The following CHD2 variants were observed in gnomAD, a reference collection of about 807,000 sequenced individuals.
The protein encoded by CHD2 is chromodomain helicase DNA binding protein 2.
CHD2 carries 28 observed loss-of-function variants against 243.9 expected under a neutral mutation model. The ratio of observed to expected loss-of-function variants is 0.11; its 90% confidence interval spans 0.09 to 0.16. The LOEUF is 0.16. Ranked by LOEUF, CHD2 falls within the 10% of genes least tolerant of loss-of-function variation. CHD2 has a pLI of 1.00. For missense variants in CHD2, 1,386 were observed against 2,209.8 expected (o/e 0.63, Z 7.47); for synonymous variants, 775 against 779.0 (o/e 0.99, Z 0.09).
intron 20 of CHD2, among the ~76,000 whole-genome samples, chr15:92,976,849 G>A (rs2053916135): frequency 6.6e-6 from 1 of 151,154 alleles, no homozygotes; most frequent in South Asian, 2.1e-4. Flanking sequence ...CAGTGAGCCA[G>A]GATTGCCCCA....
Position 93,009,315 on chromosome 15 carries a change from C to T in CHD2, c.4584C>T (p.Leu1528=), listed in dbSNP as rs543526502. ...ACTCAGATCAGGAGCACATCAAACT[C>T]TGGAGGAGGTAACCACTTTGGCCTC... ...KAYSDQEHIK[L]WRRNLWIFVS... is the part of the protein sequence containing the mutation. The change falls in exon 35 of 39, where the codon CTC becomes CTT. Residue 1528 remains leucine (L), a synonymous_variant. Coordinates refer to ENST00000394196, the MANE Select transcript of CHD2 (RefSeq NM_001271.4). The T allele has an allele frequency of 3.1e-6, 5 of 1,613,796 alleles. No homozygotes were observed. The highest frequency in any genetic ancestry group is 4.2e-6 in the Non-Finnish European group (5 of 1,179,830).
intron 33 of CHD2, among the ~76,000 whole-genome samples, 181 bp downstream of exon 33, chr15:93,002,498 T>G (rs1373035038): frequency 6.6e-6 from 1 of 152,222 alleles, no homozygotes; most frequent in African/African-American, 2.4e-5. Context: ...GAGGGGAACC[T>G]GCAAGTTTGG....
At chr15:92,949,205 A>G (rs2053518702) in intron 13 of CHD2, 129 bp downstream of exon 13, 1 of 1,503,096 alleles carries the variant, frequency 6.7e-7, no homozygotes, top group Non-Finnish European at 8.8e-7. Context: ...TATGCTGCAT[A>G]TTACAGAAAT....
At chr15:92,917,786 C>T (rs2052870768) in intron 2 of CHD2, among the ~76,000 whole-genome samples, 2 of 152,160 alleles carry the variant, frequency 1.3e-5, no homozygotes, top group East Asian at 3.8e-4. Flanking sequence ...ATCTTACACA[C>T]GCACATACAC....
At chr15:92,950,003 C>T (rs186016534) in intron 13 of CHD2, among the ~76,000 whole-genome samples, 5 of 152,210 alleles carry the variant, frequency 3.3e-5, no homozygotes, top group African/African-American at 7.2e-5. Flanking sequence ...AATAGATAAA[C>T]GCGCAGTGGA....
intron 2 of CHD2, among the ~76,000 whole-genome samples, chr15:92,902,941 C>T (rs1385465890): frequency 6.6e-6 from 1 of 152,124 alleles, no homozygotes; most frequent in East Asian, 1.9e-4. Context: ...TTTACTCTCA[C>T]CTGGAAAACT....
intron 16 of CHD2, among the ~76,000 whole-genome samples, chr15:92,963,962 G>A (rs536722289): frequency 6.6e-6 from 1 of 152,236 alleles, no homozygotes; most frequent in African/African-American, 2.4e-5. Context: ...TTGCTTTTGT[G>A]TACCTACCTG....
chr15:92,906,589 C>CT (rs1185810162), intron 2 of CHD2, among the ~76,000 whole-genome samples: 6 of 151,786 alleles, frequency 4.0e-5, no homozygotes, highest in African/African-American at 1.5e-4. Context: ...ATTTGATACA[C>CT]TAAGTTTGTT....
At chr15:92,976,302 A>G (rs935559270) in intron 20 of CHD2, among the ~76,000 whole-genome samples, 3 of 152,176 alleles carry the variant, frequency 2.0e-5, no homozygotes, top group African/African-American at 7.2e-5. Flanking sequence ...ATTCCTTTAA[A>G]AAACTAAATA....
chr15:92,996,759 C>A lies in CHD2; in HGVS notation c.3596-198C>A, dbSNP rs146471618. 2.9e-3 allele frequency among the ~76,000 whole-genome samples: 446 copies of A among 152,174 alleles called. 1 individual carries two copies. Among genetic ancestry groups the A allele is most frequent in the Middle Eastern group, 0.01 (3 of 294 alleles). ...AGTGAATTAAAAAAGAATTCCAAAT[C>A]TTAAAAGACTGAATGTTCAGAGGTT... On this transcript the variant is annotated intron_variant, in intron 28 of 38. Coordinates refer to ENST00000394196, the MANE Select transcript of CHD2 (RefSeq NM_001271.4).
intron 38 of CHD2, 99 bp from the exon 39 acceptor site, chr15:93,024,273 T>C: frequency 9.6e-7 from 1 of 1,042,192 alleles, no homozygotes; most frequent in Non-Finnish European, 1.4e-6. Context: ...CATTTGTCCT[T>C]GAATATGAGT....
At chr15:92,969,463 A>G (rs929224988) in intron 17 of CHD2, among the ~76,000 whole-genome samples, 1 of 152,220 alleles carries the variant, frequency 6.6e-6, no homozygotes, top group African/African-American at 2.4e-5. Context: ...CGTGTTCTGC[A>G]GTACCCTCGA....
At chr15:92,984,593 C>A in intron 25 of CHD2, 93 bp downstream of exon 25, 1 of 1,209,868 alleles carries the variant, frequency 8.3e-7, no homozygotes, top group African/African-American at 1.6e-5. Context: ...TTGCATTGTT[C>A]CCCTGACACA....
chr15:92,928,117 C>T (rs2053097320), intron 4 of CHD2, among the ~76,000 whole-genome samples: 2 of 152,220 alleles, frequency 1.3e-5, no homozygotes, highest in Admixed American at 6.5e-5. Flanking sequence ...TTGATAGCCA[C>T]AGGTCAGTGA....
At chr15:92,924,004 T>C (rs1318387056) in intron 2 of CHD2, among the ~76,000 whole-genome samples, 1 of 152,218 alleles carries the variant, frequency 6.6e-6, no homozygotes, top group Non-Finnish European at 1.5e-5. Flanking sequence ...TAAATACTTA[T>C]GAGCCTCAGT....
At position 92,982,383 on chromosome 15, in the gene CHD2, T is replaced by C. The variant is rs190045970; in HGVS notation, c.3066+926T>C. Among the ~76,000 whole-genome samples, 22 of 152,244 alleles carry C rather than the reference T, an allele frequency of 1.4e-4. 1 individual carries two copies. The highest frequency in any genetic ancestry group is 1.2e-3 in the Admixed American group (19 of 15,294). On this transcript the variant is annotated intron_variant, in intron 24 of 38. Transcript: ENST00000394196. ...CAGAAAGTTGTTGGGAGGAACCTGA[T>C]AGGGAGTCAGCTGAATTGAGATGAT...
chr15:92,991,467 T>C lies in CHD2; in HGVS notation c.3414-9T>C. ...TTTTTTTAATATGTTTTATTGATCC[T>C]ATTCTTAGGTTCATCAAGGCTTATA... is the stretch of plus-strand genomic sequence containing the variant. On this transcript the variant is annotated splice_polypyrimidine_tract_variant and intron_variant, in intron 26 of 38. Transcript: ENST00000394196. The C allele has an allele frequency of 6.3e-7, 1 of 1,597,724 alleles. No homozygotes were observed. Among genetic ancestry groups the C allele is most frequent in the Non-Finnish European group, 8.6e-7 (1 of 1,168,056 alleles).
rs149632554 is a variant in CHD2 at position 92,942,976 on chromosome 15, A to G, written c.960A>G (p.Thr320=). ...KWKGWSYIHS[T]WESEESLQQQ... ...AGGGTTGGTCTTACATCCACAGCAC[A>G]TGGGAGAGTGAAGAATCCTTACAGC... Residue 320 remains threonine, a synonymous_variant, in exon 9 of 39, where the codon ACA becomes ACG. Transcript: ENST00000394196. 1.2e-6 allele frequency: 2 copies of G among 1,614,144 alleles called. No individual in the cohort carries two copies. The highest frequency in any genetic ancestry group is 1.3e-5 in the African/African-American group (1 of 75,064).
intron 2 of CHD2, among the ~76,000 whole-genome samples, chr15:92,907,962 T>A (rs1298623222): frequency 6.6e-6 from 1 of 151,992 alleles, no homozygotes; most frequent in Admixed American, 6.6e-5. Flanking sequence ...AGTCCTCATT[T>A]AGTCAGCTTG....
Sources: gnomAD v4.1 joint callset for allele counts (sites outside exome capture counted in the v4.1 genomes callset) on GRCh38, gnomAD v4.1.1 for gene constraint, MANE v1.5 for transcripts, NCBI Gene and HGNC (gene_info 2026-07-23, HGNC 2026-07-21) for gene names.